Variants in PLCXD3 observed in about 807,000 individuals in gnomAD.
PLCXD3 encodes phosphatidylinositol specific phospholipase C X domain containing 3.
A neutral mutation model predicts 25.5 loss-of-function variants in PLCXD3; 19 were observed. The ratio of observed to expected loss-of-function variants is 0.75; its 90% CI spans 0.52 to 1.09. The LOEUF (loss-of-function observed/expected upper bound fraction) is 1.09. Among genes scored for constraint, PLCXD3 ranks in the 50% least tolerant of loss-of-function variants. The probability of loss-of-function intolerance (pLI) is 0.00; values close to 1 mark genes in which losing one functional copy is unlikely to be tolerated. For missense variants in PLCXD3, 411 were observed against 388.1 expected, an observed-to-expected ratio of 1.06 and a Z score of -0.50; for synonymous variants, 174 against 137.6, an observed-to-expected ratio of 1.26 and a Z score of -1.85.
intron 2 of PLCXD3, among the ~76,000 whole-genome samples, chr5:41,330,648 A>T (rs1743772553): frequency 6.6e-6 from 1 of 152,220 alleles, no homozygotes; most frequent in Admixed American, 6.5e-5. Flanking sequence ...ACCAAAAAAG[A>T]CAATTTTAGA....
intron 2 of PLCXD3, among the ~76,000 whole-genome samples, chr5:41,378,093 A>G (rs1157956255): frequency 2.0e-5 from 3 of 152,108 alleles, no homozygotes; most frequent in Admixed American, 2.0e-4. Context: ...ATCACTTGGT[A>G]AGAAGAGAAA....
intron 1 of PLCXD3, among the ~76,000 whole-genome samples, chr5:41,409,748 A>G (rs1235936664): frequency 6.6e-6 from 1 of 152,208 alleles, no homozygotes; most frequent in Non-Finnish European, 1.5e-5. Flanking sequence ...TGTTCCCTAA[A>G]TATTTGTTGC....
At chr5:41,404,061 C>A (rs1041766476) in intron 1 of PLCXD3, among the ~76,000 whole-genome samples, 1 of 152,054 alleles carries the variant, frequency 6.6e-6, no homozygotes, top group Non-Finnish European at 1.5e-5. Context: ...TTGGCTCTTC[C>A]AAGCAAATGA....
At chr5:41,411,190 C>T (rs1245668859) in intron 1 of PLCXD3, among the ~76,000 whole-genome samples, 1 of 152,198 alleles carries the variant, frequency 6.6e-6, no homozygotes, top group Non-Finnish European at 1.5e-5. Flanking sequence ...AAGAAGGCCT[C>T]TGAAGCCTAT....
At chr5:41,336,968 G>A (rs1744000365) in intron 2 of PLCXD3, among the ~76,000 whole-genome samples, 1 of 152,136 alleles carries the variant, frequency 6.6e-6, no homozygotes, top group Non-Finnish European at 1.5e-5. Context: ...AATCTAGATG[G>A]CAGGAAATTC....
chr5:41,396,451 T>C (rs1186890670), intron 1 of PLCXD3, among the ~76,000 whole-genome samples: 1 of 152,144 alleles, frequency 6.6e-6, no homozygotes, highest in Non-Finnish European at 1.5e-5. Context: ...GAACTGTGAG[T>C]CAATTAAACC....
At chr5:41,391,063 T>C (rs1745800202) in intron 1 of PLCXD3, among the ~76,000 whole-genome samples, 1 of 152,182 alleles carries the variant, frequency 6.6e-6, no homozygotes, top group Non-Finnish European at 1.5e-5. Context: ...TGGTCCAAAC[T>C]TGACTGCCTG....
At chr5:41,482,998 AT>A (rs1242136394) in intron 1 of PLCXD3, among the ~76,000 whole-genome samples, 1 of 152,220 alleles carries the variant, frequency 6.6e-6, no homozygotes, top group Non-Finnish European at 1.5e-5. Flanking sequence ...TATTTGAGAT[AT>A]CTTATATAAG....
At chr5:41,453,136 C>T (rs759892477) in intron 1 of PLCXD3, among the ~76,000 whole-genome samples, 49 of 151,946 alleles carry the variant, frequency 3.2e-4, no homozygotes, top group Non-Finnish European at 6.9e-4. Flanking sequence ...AATTTTGTAT[C>T]CTTTGTCCAA....
At chr5:41,400,689 G>A (rs1052484720) in intron 1 of PLCXD3, among the ~76,000 whole-genome samples, 2 of 151,950 alleles carry the variant, frequency 1.3e-5, no homozygotes, top group Non-Finnish European at 2.9e-5. Flanking sequence ...CCAGAAGCTG[G>A]GAAGAATAAT....
intron 1 of PLCXD3, among the ~76,000 whole-genome samples, chr5:41,415,191 T>C (rs767146868): frequency 7.2e-5 from 11 of 152,158 alleles, no homozygotes; most frequent in Non-Finnish European, 1.5e-4. Context: ...ATTCAAGGTA[T>C]AGCTAATTAA....
At chr5:41,331,129 T>C (rs1743791246) in intron 2 of PLCXD3, among the ~76,000 whole-genome samples, 1 of 152,144 alleles carries the variant, frequency 6.6e-6, no homozygotes, top group Non-Finnish European at 1.5e-5. Context: ...TCAAGGGTAT[T>C]CGATTAGGAA....
At position 41,407,958 on chromosome 5, in the gene PLCXD3, G is replaced by A. The variant is rs318026; in HGVS notation, c.104-25424C>T. 2.1e-3 allele frequency among the ~76,000 whole-genome samples: 316 copies of A among 152,248 alleles called. 1 individual carries two copies. The highest frequency in any genetic ancestry group is 7.3e-3 in the African/African-American group (302 of 41,558). ...ATCCAATATTCAAGATGCTAAATTT[G>A]AGAAGTCCTATTTTACTGATGACTC... On this transcript the variant is annotated intron_variant, in intron 1 of 2. Coordinates refer to ENST00000377801, the MANE Select transcript of PLCXD3 (RefSeq NM_001005473.3).
chr5:41,330,037 G>T (rs1743749197), intron 2 of PLCXD3, among the ~76,000 whole-genome samples: 1 of 151,760 alleles, frequency 6.6e-6, no homozygotes, highest in Admixed American at 6.6e-5. Flanking sequence ...TAAAAAATTT[G>T]TGTCTTTTAA....
chr5:41,452,212 A>G (rs1023234589), intron 1 of PLCXD3, among the ~76,000 whole-genome samples: 1 of 152,052 alleles, frequency 6.6e-6, no homozygotes, highest in Admixed American at 6.6e-5. Flanking sequence ...GGATCAGACC[A>G]TCTTCTTTTC....
At chr5:41,370,811 A>G (rs951562809) in intron 2 of PLCXD3, among the ~76,000 whole-genome samples, 3 of 152,198 alleles carry the variant, frequency 2.0e-5, no homozygotes, top group African/African-American at 7.2e-5. Context: ...GACAGTCTGC[A>G]TCCCATCTCC....
chr5:41,425,624 CT>C (rs774844001), intron 1 of PLCXD3, among the ~76,000 whole-genome samples: 16 of 152,180 alleles, frequency 1.1e-4, no homozygotes, highest in Non-Finnish European at 2.4e-4. Context: ...CCTCTGTGCT[CT>C]GTCTATTCAT....
chr5:41,462,391 G>T (rs999802370), intron 1 of PLCXD3, among the ~76,000 whole-genome samples: 1 of 152,028 alleles, frequency 6.6e-6, no homozygotes, highest in Non-Finnish European at 1.5e-5. Context: ...AATGGAGATG[G>T]TATGTTGGCA....
chr5:41,369,114 T>A (rs562593564), intron 2 of PLCXD3, among the ~76,000 whole-genome samples: 1 of 152,194 alleles, frequency 6.6e-6, no homozygotes, highest in Non-Finnish European at 1.5e-5. Flanking sequence ...TCTCCTTATG[T>A]CATGGAAGAC....
Sources: gnomAD v4.1 joint callset for allele counts (sites outside exome capture counted in the v4.1 genomes callset) on GRCh38, gnomAD v4.1.1 for gene constraint, MANE v1.5 for transcripts, NCBI Gene and HGNC (gene_info 2026-07-23, HGNC 2026-07-21) for gene names.